The following DCLK1 variants were observed in gnomAD, a reference collection of about 807,000 sequenced individuals.
DCLK1 encodes the protein doublecortin like kinase 1.
A neutral mutation model predicts 86.2 loss-of-function variants in DCLK1; 16 were observed. The ratio of observed to expected loss-of-function variants is 0.19; its 90% CI spans 0.13 to 0.28. DCLK1 has a LOEUF of 0.28. DCLK1 is among the 10% of genes least tolerant of loss of function. The probability of loss-of-function intolerance (pLI) is 1.00; values close to 1 mark genes in which losing one functional copy is unlikely to be tolerated. For missense variants in DCLK1, 590 were observed against 940.2 expected, an observed-to-expected ratio of 0.63 and a Z score of 4.87; for synonymous variants, 369 against 370.5, an observed-to-expected ratio of 1.00 and a Z score of 0.05.
intron 3 of DCLK1, among the ~76,000 whole-genome samples, chr13:36,087,028 C>A (rs1008348619): frequency 6.6e-6 from 1 of 152,142 alleles, no homozygotes; most frequent in Non-Finnish European, 1.5e-5. Flanking sequence ...TGGTTCTAGA[C>A]CCTTGAGGAA....
At chr13:36,056,618 TAAAAA>T (rs71196600) in intron 3 of DCLK1, among the ~76,000 whole-genome samples, 1 of 109,796 alleles carries the variant, frequency 9.1e-6, no homozygotes, top group Non-Finnish European at 1.8e-5. Flanking sequence ...AAGTATAATT[TAAAAA>T]AAAAAAAAAA....
intron 6 of DCLK1, chr13:35,849,866 GAA>G (rs1241496180): frequency 2.7e-5 from 20 of 753,774 alleles, no homozygotes; most frequent in African/African-American, 1.2e-4. Flanking sequence ...GGTCTGTATG[GAA>G]AAAAAAAAAA....
rs958079579 is a variant in DCLK1 at position 35,769,297 on chromosome 13, T to C, written c.*5238A>G. 6.6e-6 allele frequency: 1 copy of C among 152,218 alleles called. No individual in the cohort carries two copies. The highest frequency in any genetic ancestry group is 1.9e-4 in the East Asian group (1 of 5,202). 9.4% of individuals were successfully genotyped at this position (152,218 alleles called of 1,614,324 possible). A position where few individuals can be genotyped will look rare whatever the true frequency, so the allele number is the denominator to read the frequency against. ...TCAAAAGAAATATTGAATTTTTTTCTTGAGTCAAATTGAAACCTTTCAGAA... is the reference window on the plus strand; with the variant it reads ...TCAAAAGAAATATTGAATTTTTTTCCTGAGTCAAATTGAAACCTTTCAGAA... On this transcript the variant is annotated 3_prime_UTR_variant, in exon 17 of 17. Transcript: ENST00000360631.
At chr13:36,094,264 T>A (rs1884928248) in intron 3 of DCLK1, among the ~76,000 whole-genome samples, 1 of 152,212 alleles carries the variant, frequency 6.6e-6, no homozygotes, top group Non-Finnish European at 1.5e-5. Flanking sequence ...GTATTTTCTT[T>A]TTATTATTAT....
At chr13:35,979,922 C>T (rs1289717255) in intron 3 of DCLK1, among the ~76,000 whole-genome samples, 3 of 152,206 alleles carry the variant, frequency 2.0e-5, no homozygotes. Flanking sequence ...CATATTACAA[C>T]TCAAAGTGTG....
chr13:35,892,371 T>C (rs1259160125), intron 4 of DCLK1, among the ~76,000 whole-genome samples: 1 of 152,228 alleles, frequency 6.6e-6, no homozygotes. Context: ...TGAGTCAAAG[T>C]CAAGGTAAGT....
chr13:35,805,341 G>A, intron 15 of DCLK1: 1 of 221,732 alleles, frequency 4.5e-6, no homozygotes, highest in Non-Finnish European at 8.8e-6. Context: ...CTGTCATTCA[G>A]GTTGGAGTGC....
At chr13:35,913,972 T>A (rs1013179850) in intron 4 of DCLK1, among the ~76,000 whole-genome samples, 1 of 152,104 alleles carries the variant, frequency 6.6e-6, no homozygotes, top group African/African-American at 2.4e-5. Flanking sequence ...TTAATTCCAA[T>A]TTGGTTATGT....
intron 4 of DCLK1, among the ~76,000 whole-genome samples, chr13:35,888,635 T>C (rs932221916): frequency 1.3e-5 from 2 of 152,192 alleles, no homozygotes; most frequent in African/African-American, 4.8e-5. Flanking sequence ...TTGTGGTCTT[T>C]CAATGAAAAG....
intron 4 of DCLK1, among the ~76,000 whole-genome samples, chr13:35,931,528 G>T (rs562016324): frequency 6.6e-6 from 1 of 152,210 alleles, no homozygotes; most frequent in South Asian, 2.1e-4. Flanking sequence ...CAAGTTTGTT[G>T]CCTCTATCAA....
chr13:35,850,811 C>A, intron 6 of DCLK1: 1 of 1,548,086 alleles, frequency 6.5e-7, no homozygotes, highest in East Asian at 2.4e-5. Context: ...TTTGTTTACT[C>A]GGCTTTCTTG....
At chr13:36,025,838 G>C (rs61948284) in intron 3 of DCLK1, among the ~76,000 whole-genome samples, 30 of 152,144 alleles carry the variant, frequency 2.0e-4, no homozygotes, top group Admixed American at 1.7e-3. Context: ...AAATTTAGAC[G>C]TGATTTAATC....
At chr13:35,977,465 A>G (rs1336613876) in intron 3 of DCLK1, among the ~76,000 whole-genome samples, 1 of 152,224 alleles carries the variant, frequency 6.6e-6, no homozygotes, top group Non-Finnish European at 1.5e-5. Context: ...AATGACTATC[A>G]CGAAGCCCTT....
intron 4 of DCLK1, among the ~76,000 whole-genome samples, chr13:35,907,122 T>A (rs375494453): frequency 1.3e-5 from 2 of 152,148 alleles, no homozygotes; most frequent in African/African-American, 4.8e-5. Flanking sequence ...CTAGTGCCAG[T>A]GAGCTTTCTT....
In DCLK1 at chr13:35,947,012, A is replaced by T. The variant is rs77428575; in HGVS notation, c.823+346T>A. Among the ~76,000 whole-genome samples the T allele has an allele frequency of 4.2e-3, 635 of 152,326 alleles. 1 individual carries two copies. The highest frequency in any genetic ancestry group is 0.015 in the African/African-American group (604 of 41,564). The stretch of plus-strand genomic sequence containing the variant: ...GCTGAGCCTAGAAACATCCTAAATT[A>T]TTTTATGATGACAAATCCCTCAGCT... On this transcript the variant is annotated intron_variant, in intron 4 of 16. Coordinates refer to ENST00000360631, the MANE Select transcript of DCLK1 (RefSeq NM_001330071.2).
At chr13:35,925,460 C>T (rs7989245) in intron 4 of DCLK1, among the ~76,000 whole-genome samples, 100,142 of 152,122 alleles carry the variant, frequency 0.66, 33,339 homozygotes, top group Admixed American at 0.76. Context: ...GCTGCAGAAA[C>T]GATGCCATAT....
chr13:36,104,171 A>G (rs990089551), intron 3 of DCLK1, among the ~76,000 whole-genome samples: 4 of 152,320 alleles, frequency 2.6e-5, no homozygotes, highest in Admixed American at 2.6e-4. Flanking sequence ...ACACATGACC[A>G]CAGCCCAGGG....
intron 4 of DCLK1, among the ~76,000 whole-genome samples, chr13:35,936,170 A>C (rs1408417047): frequency 6.6e-6 from 1 of 152,236 alleles, no homozygotes; most frequent in East Asian, 1.9e-4. Context: ...AATCATCAAA[A>C]ATGTCAAATG....
chr13:35,854,603 C>T lies in DCLK1; in HGVS notation c.941-10G>A. ...CCAGGGGTTCCATTAACTAGAAATA[C>T]AAAGAATCACACACAGAGAAAAATG... On this transcript the variant is annotated splice_polypyrimidine_tract_variant and intron_variant, in intron 5 of 16. Transcript: ENST00000360631. 1 of 1,573,744 alleles carries T rather than the reference C, an allele frequency of 6.4e-7. No individual in the cohort carries two copies. The highest frequency in any genetic ancestry group is 8.6e-7 in the Non-Finnish European group (1 of 1,158,908).
Sources: gnomAD v4.1 joint callset for allele counts (sites outside exome capture counted in the v4.1 genomes callset) on GRCh38, gnomAD v4.1.1 for gene constraint, MANE v1.5 for transcripts, NCBI Gene and HGNC (gene_info 2026-07-23, HGNC 2026-07-21) for gene names.